The following MUC12 variants were observed in gnomAD, a reference collection of about 807,000 sequenced individuals.
MUC12 encodes mucin 12, cell surface associated.
A neutral mutation model predicts 230.8 loss-of-function variants in MUC12; 172 were observed. The observed-to-expected ratio is 0.75, with a 90% confidence interval of 0.66 to 0.85. The LOEUF is 0.85. Among genes scored for constraint, MUC12 ranks in the 40% least tolerant of loss-of-function variants. MUC12 has a pLI of 0.00. For missense variants in MUC12, 3,506 were observed against 5,920.6 expected (o/e 0.59, Z 13.38); for synonymous variants, 1,259 against 2,401.9 (o/e 0.52, Z 13.91).
Position 100,992,542 on chromosome 7 carries a change from C to A in MUC12, c.1979C>A (p.Thr660Asn), listed in dbSNP as rs1336249062. 2.0e-6 allele frequency: 3 copies of A among 1,537,992 alleles called. No homozygotes were observed. The highest frequency in any genetic ancestry group is 2.7e-5 in the African/African-American group (2 of 73,178). ...TTSAFVEPSTTSHGSPSSIPT... is the reference protein window; with the variant it reads ...TTSAFVEPSTNSHGSPSSIPT... Reference sequence around the variant, plus strand: ...TCAGCCTTTGTTGAGCCATCTACAACCTCCCACGGCAGCCCGAGCTCAATT... The same window carrying A: ...TCAGCCTTTGTTGAGCCATCTACAAACTCCCACGGCAGCCCGAGCTCAATT... The change falls in exon 2 of 12, where the codon ACC (threonine) becomes AAC (asparagine). Residue 660 changes from threonine to asparagine, a missense_variant. By Grantham distance (65) the Thr-to-Asn change is moderately conservative. Transcript: ENST00000536621.
At chr7:101,014,705 T>C (rs1487358293) in intron 9 of MUC12, among the ~76,000 whole-genome samples, 1 of 152,176 alleles carries the variant, frequency 6.6e-6, no homozygotes, top group Non-Finnish European at 1.5e-5. Flanking sequence ...CTTGAACTCC[T>C]GACCTTGAGT....
chr7:101,006,017 C>A lies in MUC12; in HGVS notation c.14957-454C>A, dbSNP rs373248473. ...TTTACCATGTTGACCAAGCTAGTCT[C>A]AAACTCCTGACCTCAAGTGATCCAC... On this transcript the variant is annotated intron_variant, in intron 2 of 11. Transcript: ENST00000536621. 1.9e-4 allele frequency among the ~76,000 whole-genome samples: 29 copies of A among 152,230 alleles called. No homozygotes were observed. In the East Asian group the frequency reaches 4.8e-3, roughly 25 times the overall value.
In MUC12 at chr7:100,991,609, C is replaced by G. The variant is rs762839075; in HGVS notation, c.1046C>G (p.Ser349Cys). The stretch of plus-strand genomic sequence containing the variant: ...GCAACAACACCCCCACCTGCCCGCT[C>G]CGCGACCTCAGGCCATGTTGAAGAA... ...ATATTPPPAR[S>C]ATSGHVEEST... Residue 349 changes from serine (S) to cysteine (C), a missense_variant, in exon 2 of 12, where the codon TCC becomes TGC. Ser to Cys is a moderately radical substitution (Grantham distance 112). Transcript: ENST00000536621. 6.5e-7 allele frequency: 1 copy of G among 1,537,008 alleles called. No homozygotes were observed. The highest frequency in any genetic ancestry group is 1.2e-5 in the South Asian group (1 of 84,022).
chr7:100,997,357 G>A lies in MUC12; in HGVS notation c.6794G>A (p.Arg2265His), dbSNP rs768940498. The stretch of plus-strand genomic sequence containing the variant: ...CCTCGCACCCCCACAACCTCAGTTC[G>A]TGGTGAAGAGCCTACAACCTTCCAC... ...VFPRTPTTSV[R>H]GEEPTTFHSR... is the part of the protein sequence containing the mutation. The change falls in exon 2 of 12, where the codon CGT becomes CAT. Residue 2265 changes from arginine to histidine, a missense_variant. Coordinates refer to ENST00000536621, the MANE Select transcript of MUC12 (RefSeq NM_001164462.2). 10 of 239,550 alleles carry A rather than the reference G, an allele frequency of 4.2e-5. No individual in the cohort carries two copies. Among genetic ancestry groups the A allele is most frequent in the African/African-American group, 3.0e-4 (1 of 3,356 alleles). The allele number at this position is 239,550 out of a possible 1,614,324, so 14.8% of individuals were successfully genotyped here. A position where few individuals can be genotyped will look rare whatever the true frequency, so the allele number is the denominator to read the frequency against.
At chr7:101,007,859 A>T (rs1584845376) in intron 3 of MUC12, among the ~76,000 whole-genome samples, 1 of 149,646 alleles carries the variant, frequency 6.7e-6, no homozygotes, top group Admixed American at 6.6e-5. Flanking sequence ...GTGCAGTGGC[A>T]TGATCTCGGC....
At chr7:100,972,068 G>C (rs766293487) in intron 1 of MUC12, 1 of 702,644 alleles carries the variant, frequency 1.4e-6, no homozygotes, top group African/African-American at 1.7e-5. Context: ...ACTCCGGAGG[G>C]CTCCGGAAGA....
In MUC12 at chr7:101,005,374, C is replaced by T. The variant is rs1004310611; in HGVS notation, c.14811C>T (p.Tyr4937=). ...SDLVGEPTTF[Y]ISPSPTYTTL... is the part of the protein sequence containing the mutation. ...TTGTTGGAGAACCTACAACTTTCTA[C>T]ATCAGCCCATCCCCTACTTACACAA... is the stretch of plus-strand genomic sequence containing the variant. Residue 4937 remains tyrosine, a synonymous_variant, in exon 2 of 12, where the codon TAC becomes TAT. Coordinates refer to ENST00000536621, the MANE Select transcript of MUC12 (RefSeq NM_001164462.2). 7 of 1,537,794 alleles carry T rather than the reference C, an allele frequency of 4.6e-6. No individual in the cohort carries two copies. The East Asian group carries it at 7.3e-5, about 16-fold the overall frequency.
At chr7:101,006,604 T>C (rs1295007151) in intron 3 of MUC12, 32 bp downstream of exon 3, 3 of 1,422,812 alleles carry the variant, frequency 2.1e-6, no homozygotes, top group African/African-American at 2.8e-5. Context: ...TGCAGCTCTT[T>C]GCAGGCCCTT....
At chr7:100,978,878 T>C (rs944559744) in intron 1 of MUC12, among the ~76,000 whole-genome samples, 4 of 152,226 alleles carry the variant, frequency 2.6e-5, no homozygotes, top group Admixed American at 6.5e-5. Context: ...GGCACAATCA[T>C]AGCTCACTGC....
At chr7:100,976,343 T>C (rs4394327) in intron 1 of MUC12, among the ~76,000 whole-genome samples, 101,036 of 151,724 alleles carry the variant, frequency 0.67, 33,839 homozygotes, top group East Asian at 0.78. Context: ...TGGTGGCTCA[T>C]GCCTGTAATC....
intron 1 of MUC12, among the ~76,000 whole-genome samples, chr7:100,982,566 A>G (rs1793125106): frequency 6.6e-6 from 1 of 151,450 alleles, no homozygotes; most frequent in African/African-American, 2.4e-5. Flanking sequence ...CCTCCCAAGT[A>G]GCTGAGACTA....
At position 101,018,759 on chromosome 7, in the gene MUC12, T is replaced by G. The variant is rs1794002442; in HGVS notation, c.*123T>G. 3.9e-6 allele frequency: 4 copies of G among 1,021,744 alleles called. No individual in the cohort carries two copies. Among genetic ancestry groups the G allele is most frequent in the Non-Finnish European group, 5.5e-6 (4 of 725,414 alleles). 63.3% of individuals were successfully genotyped at this position (1,021,744 alleles called of 1,614,324 possible). On this transcript the variant is annotated 3_prime_UTR_variant, in exon 12 of 12. Coordinates refer to ENST00000536621, the MANE Select transcript of MUC12 (RefSeq NM_001164462.2). ...AGTCAGGCCCTGAAGCCGGTCCTGCTCTGAGCTGACAGACTTGGCCAGTCC... is the reference window on the plus strand; with the variant it reads ...AGTCAGGCCCTGAAGCCGGTCCTGCGCTGAGCTGACAGACTTGGCCAGTCC...
In MUC12 at chr7:101,004,829, A is replaced by C; in HGVS notation, c.14266A>C (p.Ser4756Arg). The C allele has an allele frequency of 1.3e-6, 2 of 1,537,166 alleles. No individual in the cohort carries two copies. Among genetic ancestry groups the C allele is most frequent in the South Asian group, 1.2e-5 (1 of 84,030 alleles). The change falls in exon 2 of 12, where the codon AGC becomes CGC. Residue 4756 changes from serine (S) to arginine (R), a missense_variant. By Grantham distance (110) the Ser-to-Arg change is moderately radical. Transcript: ENST00000536621. The part of the protein sequence containing the change: ...RSPDQTLSPA[S>R]MTSSSISGEP... ...ACCAGACCAAACACTCTCACCTGCC[A>C]GCATGACAAGCTCCAGCATCAGTGG... is the stretch of plus-strand genomic sequence containing the variant.
Position 100,991,862 on chromosome 7 carries a change from T to A in MUC12, c.1299T>A (p.Arg433=), listed in dbSNP as rs34337783. Residue 433 remains arginine, a synonymous_variant, in exon 2 of 12, where the codon CGT becomes CGA. Transcript: ENST00000536621. ...HFRDSSTISG[R]SEESKASHSS... is the part of the protein sequence containing the mutation. ...GTGATAGCTCCACAATCTCAGGCCGTAGTGAGGAATCAAAAGCATCCCACA... is the reference window on the plus strand; with the variant it reads ...GTGATAGCTCCACAATCTCAGGCCGAAGTGAGGAATCAAAAGCATCCCACA... 6.5e-7 allele frequency: 1 copy of A among 1,535,762 alleles called. No individual in the cohort carries two copies. Among genetic ancestry groups the A allele is most frequent in the Middle Eastern group, 1.7e-4 (1 of 5,992 alleles).
At position 100,991,812 on chromosome 7, in the gene MUC12, G is replaced by C; in HGVS notation, c.1249G>C (p.Gly417Arg). The change falls in exon 2 of 12, where the codon GGC becomes CGC. Residue 417 changes from glycine (G) to arginine (R), a missense_variant. Gly to Arg is a moderately radical substitution (Grantham distance 125, BLOSUM62 -2). Coordinates refer to ENST00000536621, the MANE Select transcript of MUC12 (RefSeq NM_001164462.2). ...ACATACAAGCTACCACAGCAGCCTG[G>C]GCTCAACTGAAACAACACACTTCCG... ...LAHTSYHSSL[G>R]STETTHFRDS... 1 of 1,537,864 alleles carries C rather than the reference G, an allele frequency of 6.5e-7. No individual in the cohort carries two copies. The highest frequency in any genetic ancestry group is 8.7e-7 in the Non-Finnish European group (1 of 1,147,058).
At position 100,990,879 on chromosome 7, in the gene MUC12, G is replaced by C. The variant is rs1400172991; in HGVS notation, c.316G>C (p.Val106Leu). 1.3e-6 allele frequency: 2 copies of C among 1,537,786 alleles called. No individual in the cohort carries two copies. Among genetic ancestry groups the C allele is most frequent in the South Asian group, 2.4e-5 (2 of 84,046 alleles). Residue 106 changes from valine to leucine, a missense_variant, in exon 2 of 12, where the codon GTT becomes CTT. Transcript: ENST00000536621. ...TTCCCACTCTGCAACCTCAGTTTTTGTTGGAGAACCTAAAACCTCACCCAT... is the reference window on the plus strand; with the variant it reads ...TTCCCACTCTGCAACCTCAGTTTTTCTTGGAGAACCTAAAACCTCACCCAT... The part of the protein sequence containing the change: ...FPSHSATSVF[V>L]GEPKTSPITS...
In MUC12 at chr7:100,984,418, G is replaced by A. The variant is rs573823994; in HGVS notation, c.68-6213G>A. ...ATTACAGGCGCCCACCACCATACCC[G>A]GCTAATTTTTATATTTTTAGTAGAA... On this transcript the variant is annotated intron_variant, in intron 1 of 11. Transcript: ENST00000536621. Among the ~76,000 whole-genome samples the A allele has an allele frequency of 8.6e-5, 13 of 151,974 alleles. No individual in the cohort carries two copies. In the South Asian group the frequency reaches 1.5e-3, roughly 17 times the overall value.
Position 100,990,822 on chromosome 7 carries a change from G to A in MUC12, c.259G>A (p.Gly87Ser), listed in dbSNP as rs768723508. ...TGAGGAATCAACAGTATCCCACAGC[G>A]GCCCAGGTGCAACTGGAACAACACT... ...HSEESTVSHS[G>S]PGATGTTLFP... Residue 87 changes from glycine (G) to serine (S), a missense_variant, in exon 2 of 12, where the codon GGC becomes AGC. By Grantham distance (56) the Gly-to-Ser change is moderately conservative. Transcript: ENST00000536621. 2.4e-5 allele frequency: 37 copies of A among 1,537,258 alleles called. No homozygotes were observed. The highest frequency in any genetic ancestry group is 4.1e-5 in the African/African-American group (3 of 72,854).
chr7:101,005,530 T>A lies in MUC12; in HGVS notation c.14956+11T>A. On this transcript the variant is annotated intron_variant, in intron 2 of 11. Coordinates refer to ENST00000536621, the MANE Select transcript of MUC12 (RefSeq NM_001164462.2). Reference sequence around the variant, plus strand: ...AAACCTTAGCACCAGGTACTGCTCTTTCCATTTCATCCACGTTTAGCTTCT... The same window carrying A: ...AAACCTTAGCACCAGGTACTGCTCTATCCATTTCATCCACGTTTAGCTTCT... The A allele has an allele frequency of 6.5e-7, 1 of 1,528,810 alleles. No homozygotes were observed. The highest frequency in any genetic ancestry group is 8.8e-7 in the Non-Finnish European group (1 of 1,141,110). The allele number at this position is 1,528,810 out of a possible 1,614,324, so 94.7% of individuals were successfully genotyped here.
Sources: gnomAD v4.1 joint callset for allele counts (sites outside exome capture counted in the v4.1 genomes callset) on GRCh38, gnomAD v4.1.1 for gene constraint, MANE v1.5 for transcripts, NCBI Gene and HGNC (gene_info 2026-07-23, HGNC 2026-07-21) for gene names.